The following CD109 variants were observed in gnomAD, a reference collection of about 807,000 sequenced individuals.
The protein encoded by CD109 is CD109 molecule.
Under a neutral mutation model 165.8 loss-of-function variants are expected in CD109, and 149 were observed. The ratio of observed to expected loss-of-function variants is 0.90; its 90% CI spans 0.79 to 1.03. CD109 has a LOEUF of 1.03. Among genes scored for constraint, CD109 ranks in the 50% least tolerant of loss-of-function variants. CD109 has a pLI of 0.00. For missense variants in CD109, 1,712 were observed against 1,677.8 expected (o/e 1.02, Z -0.36); for synonymous variants, 585 against 592.1 (o/e 0.99, Z 0.18).
intron 10 of CD109, 102 bp from the exon 11 acceptor site, chr6:73,765,828 A>G: frequency 1.2e-6 from 1 of 820,176 alleles, no homozygotes; most frequent in Non-Finnish European, 1.9e-6. Context: ...TGCTACCAAT[A>G]ATTTTTGAGA....
chr6:73,823,158 C>T (rs1392242298), intron 32 of CD109, among the ~76,000 whole-genome samples: 3 of 152,182 alleles, frequency 2.0e-5, no homozygotes, highest in Admixed American at 6.5e-5. Context: ...CTCCCTGATG[C>T]AGTAAGAGAT....
At chr6:73,705,623 A>AAAAAG (rs59423704) in intron 2 of CD109, among the ~76,000 whole-genome samples, 49,855 of 148,748 alleles carry the variant, frequency 0.34, 9,284 homozygotes, top group Non-Finnish European at 0.43. Flanking sequence ...CTGTCTCAAG[A>AAAAAG]AAAAGAAAAG....
chr6:73,796,020 A>G (rs1282488588), intron 23 of CD109, among the ~76,000 whole-genome samples: 1 of 152,140 alleles, frequency 6.6e-6, no homozygotes, highest in Non-Finnish European at 1.5e-5. Flanking sequence ...AATGTCAGTG[A>G]ATAAATCCTG....
intron 2 of CD109, among the ~76,000 whole-genome samples, chr6:73,714,532 C>A (rs1279313722): frequency 6.6e-6 from 1 of 152,208 alleles, no homozygotes; most frequent in African/African-American, 2.4e-5. Context: ...CCTTAGTAAA[C>A]CTCCTGCATT....
At chr6:73,717,823 G>A (rs915803903) in intron 2 of CD109, among the ~76,000 whole-genome samples, 2 of 151,464 alleles carry the variant, frequency 1.3e-5, no homozygotes, top group Admixed American at 6.6e-5. Flanking sequence ...GTTTCACCGT[G>A]TTAACCAGGA....
chr6:73,811,856 G>A (rs1052051243), intron 28 of CD109, among the ~76,000 whole-genome samples: 4 of 152,146 alleles, frequency 2.6e-5, no homozygotes, highest in African/African-American at 9.7e-5. Flanking sequence ...TTGTGTTCCT[G>A]GGAGAGCCAG....
At chr6:73,697,300 C>T in intron 1 of CD109, 100 bp from the exon 2 acceptor site, 2 of 1,004,728 alleles carry the variant, frequency 2.0e-6, no homozygotes, top group South Asian at 1.6e-5. Flanking sequence ...GCAATTGGCG[C>T]AGTATGGAGT....
intron 2 of CD109, among the ~76,000 whole-genome samples, chr6:73,704,462 T>G (rs1195090004): frequency 6.6e-6 from 1 of 152,220 alleles, no homozygotes; most frequent in East Asian, 1.9e-4. Context: ...ACTTGGGGTT[T>G]GATTGTGAAT....
intron 7 of CD109, among the ~76,000 whole-genome samples, chr6:73,761,772 C>T (rs1478588006): frequency 5.3e-5 from 8 of 152,002 alleles, no homozygotes; most frequent in East Asian, 1.9e-4. Flanking sequence ...CCACCAGCCT[C>T]GGCCTCCCAA....
intron 10 of CD109, among the ~76,000 whole-genome samples, chr6:73,764,675 G>A (rs1773766701): frequency 6.6e-6 from 1 of 152,136 alleles, no homozygotes; most frequent in Admixed American, 6.5e-5. Context: ...AATTAGGCGG[G>A]CGTGGTGGCA....
intron 15 of CD109, among the ~76,000 whole-genome samples, chr6:73,777,896 GCT>G (rs913134293): frequency 1.5e-4 from 23 of 152,270 alleles, no homozygotes; most frequent in Admixed American, 7.8e-4. Flanking sequence ...GGCTATACGA[GCT>G]CTTTTTTGGT....
intron 15 of CD109, among the ~76,000 whole-genome samples, chr6:73,773,907 T>C (rs1582136843): frequency 1.3e-5 from 2 of 152,172 alleles, no homozygotes; most frequent in Non-Finnish European, 2.9e-5. Context: ...TCACATCTCT[T>C]AGTTTTTTGT....
At chr6:73,808,302 C>T (rs1398483775) in intron 26 of CD109, 54 bp downstream of exon 26, 2 of 1,542,772 alleles carry the variant, frequency 1.3e-6, no homozygotes, top group South Asian at 1.2e-5. Context: ...ATATAACTTA[C>T]ATGAGAAAAA....
At chr6:73,755,835 C>T (rs1326423491) in intron 5 of CD109, among the ~76,000 whole-genome samples, 2 of 151,920 alleles carry the variant, frequency 1.3e-5, no homozygotes, top group South Asian at 2.1e-4. Context: ...GTGACTTGCC[C>T]CTGTGGTCCC....
At chr6:73,692,267 T>C (rs577577733), upstream of CD109, among the ~76,000 whole-genome samples, 9 of 152,280 alleles carry the variant, frequency 5.9e-5, 2 homozygotes, top group South Asian at 1.9e-3. Context: ...TGTGGGGTTC[T>C]TATCCAAGAG....
chr6:73,712,793 GT>G (rs1771587312), intron 2 of CD109, among the ~76,000 whole-genome samples: 1 of 152,156 alleles, frequency 6.6e-6, no homozygotes, highest in African/African-American at 2.4e-5. Context: ...ATCTGAAAGG[GT>G]TTTCAGATTG....
intron 23 of CD109, 97 bp from the exon 24 acceptor site, chr6:73,803,123 C>A: frequency 1.3e-6 from 1 of 799,330 alleles, no homozygotes; most frequent in Non-Finnish European, 2.2e-6. Context: ...CTTTCCCCCT[C>A]TCTGCCCATA....
chr6:73,698,824 A>G (rs1005188674), intron 2 of CD109, among the ~76,000 whole-genome samples: 2 of 152,152 alleles, frequency 1.3e-5, no homozygotes, highest in African/African-American at 2.4e-5. Flanking sequence ...CTGAGTTTGA[A>G]TCCTGGTACT....
At chr6:73,752,982 T>C (rs1380956695) in intron 5 of CD109, among the ~76,000 whole-genome samples, 1 of 152,222 alleles carries the variant, frequency 6.6e-6, no homozygotes, top group African/African-American at 2.4e-5. Flanking sequence ...TTTAGTCAAA[T>C]TTAGTTTAGT....
Sources: allele counts gnomAD v4.1 joint callset (sites outside exome capture counted in the v4.1 genomes callset), GRCh38; gene constraint gnomAD v4.1.1; transcripts MANE v1.5; gene names NCBI Gene and HGNC (gene_info 2026-07-23, HGNC 2026-07-21).